Variants in GRAMD4 observed in about 807,000 individuals in gnomAD.
GRAMD4 encodes the protein GRAM domain-containing protein 4.
Under a neutral mutation model 83.9 loss-of-function variants are expected in GRAMD4, and 25 were observed. The ratio of observed to expected loss-of-function variants is 0.30; its 90% confidence interval spans 0.22 to 0.42. GRAMD4 has a LOEUF of 0.42. Ranked by LOEUF, GRAMD4 falls within the 10% of genes least tolerant of loss-of-function variation. The pLI is 1.00. For missense variants in GRAMD4, 593 were observed against 788.7 expected, an observed-to-expected ratio of 0.75 and a Z score of 2.97; for synonymous variants, 336 against 320.9, an observed-to-expected ratio of 1.05 and a Z score of -0.50.
At chr22:46,662,986 C>G in intron 5 of GRAMD4, 54 bp from the exon 6 acceptor site, 1 of 1,526,762 alleles carries the variant, frequency 6.5e-7, no homozygotes, top group Non-Finnish European at 8.8e-7. Context: ...GAGCCGACCC[C>G]AGAACAGGCA....
chr22:46,627,590 T>C (rs1433104478), intron 2 of GRAMD4, among the ~76,000 whole-genome samples: 2 of 152,170 alleles, frequency 1.3e-5, no homozygotes, highest in Non-Finnish European at 2.9e-5. Flanking sequence ...GCATGGTGGG[T>C]TGGGCTCCCT....
intron 3 of GRAMD4, among the ~76,000 whole-genome samples, chr22:46,655,711 G>A (rs1250750768): frequency 1.3e-5 from 2 of 152,190 alleles, no homozygotes; most frequent in Non-Finnish European, 2.9e-5. Context: ...CTCTGAACTG[G>A]AGCCCCAGGC....
At chr22:46,597,096 C>T (rs1279323150) in intron 1 of GRAMD4, among the ~76,000 whole-genome samples, 1 of 152,156 alleles carries the variant, frequency 6.6e-6, no homozygotes, top group Non-Finnish European at 1.5e-5. Flanking sequence ...GGCGGCCAGA[C>T]CTTTGGGTCC....
At chr22:46,665,742 A>T (rs1482515679) in intron 9 of GRAMD4, 36 bp downstream of exon 9, 5 of 1,088,648 alleles carry the variant, frequency 4.6e-6, no homozygotes, top group Non-Finnish European at 7.1e-6. Flanking sequence ...GCTTTATCCC[A>T]CCGCATGTAT....
At chr22:46,658,165 C>T (rs1221256376) in intron 3 of GRAMD4, 22 bp from the exon 4 acceptor site, 1 of 1,613,352 alleles carries the variant, frequency 6.2e-7, no homozygotes, top group Non-Finnish European at 8.5e-7. Context: ...CGATGGTCAC[C>T]TGGCCGTTCT....
At chr22:46,578,178 G>T (rs2081063899) in intron 1 of GRAMD4, among the ~76,000 whole-genome samples, 1 of 152,194 alleles carries the variant, frequency 6.6e-6, no homozygotes, top group African/African-American at 2.4e-5. Context: ...TGCAGGATGG[G>T]GTTCCCTTCT....
intron 1 of GRAMD4, among the ~76,000 whole-genome samples, chr22:46,603,802 A>G (rs2147063071): frequency 1.3e-5 from 2 of 151,986 alleles, no homozygotes; most frequent in Admixed American, 1.3e-4. Flanking sequence ...AGGCGTGACC[A>G]CCGCGCCCAG....
chr22:46,591,150 T>A (rs5767283), intron 1 of GRAMD4, among the ~76,000 whole-genome samples: 74,647 of 152,056 alleles, frequency 0.49, 20,389 homozygotes, highest in African/African-American at 0.75. Flanking sequence ...ACTGCTGCCC[T>A]CTCAGCCGCG....
intron 1 of GRAMD4, among the ~76,000 whole-genome samples, chr22:46,599,341 G>A (rs1039312790): frequency 2.0e-5 from 3 of 150,732 alleles, no homozygotes; most frequent in African/African-American, 7.3e-5. Context: ...TTTTTGAGAC[G>A]GAGTCTTGCT....
intron 2 of GRAMD4, among the ~76,000 whole-genome samples, chr22:46,628,147 C>T (rs2081699727): frequency 1.3e-5 from 2 of 152,212 alleles, no homozygotes; most frequent in South Asian, 4.1e-4. Context: ...AAATCTCCCT[C>T]CCGACACATA....
At position 46,677,396 on chromosome 22, in the gene GRAMD4, A is replaced by T; in HGVS notation, c.*145A>T. On this transcript the variant is annotated 3_prime_UTR_variant, in exon 19 of 19. Coordinates refer to ENST00000406902, the MANE Select transcript of GRAMD4 (RefSeq NM_015124.5). The stretch of plus-strand genomic sequence containing the variant: ...CTGGACCTGTGGTTCTATTGTGTTG[A>T]CCTCTGCGTTTTATCGACCAAGAAG... 1 of 1,384,912 alleles carries T rather than the reference A, an allele frequency of 7.2e-7. No individual in the cohort carries two copies. Among genetic ancestry groups the T allele is most frequent in the Non-Finnish European group, 9.3e-7 (1 of 1,070,294 alleles). 85.8% of individuals were successfully genotyped at this position (1,384,912 alleles called of 1,614,324 possible). A position where few individuals can be genotyped will look rare whatever the true frequency, so the allele number is the denominator to read the frequency against.
chr22:46,585,378 C>T (rs767346407), intron 1 of GRAMD4, among the ~76,000 whole-genome samples: 104 of 152,184 alleles, frequency 6.8e-4, no homozygotes, highest in Non-Finnish European at 1.2e-3. Flanking sequence ...TTAGTAGAGT[C>T]GGAGTTTCTC....
rs1601687763 is a variant in GRAMD4 at position 46,673,964 on chromosome 22, G to A, written c.1384+150G>A. The A allele has an allele frequency of 6.8e-6, 6 of 888,398 alleles. No individual in the cohort carries two copies. The Middle Eastern group carries it at 8.3e-4, about 122-fold the overall frequency. 55.0% of individuals were successfully genotyped at this position (888,398 alleles called of 1,614,324 possible). On this transcript the variant is annotated intron_variant, in intron 15 of 18. Transcript: ENST00000406902. ...TTCACATCCCACTGCCCCAGGAGGA[G>A]TGCAGGAGCCAGGGGTCATGAGGAC...
chr22:46,583,726 C>G lies in GRAMD4; in HGVS notation c.-50+6436C>G, dbSNP rs370650906. Among the ~76,000 whole-genome samples, 84 of 152,346 alleles carry G rather than the reference C, an allele frequency of 5.5e-4. 1 individual carries two copies. The highest frequency in any genetic ancestry group is 1.9e-3 in the African/African-American group (81 of 41,576). On this transcript the variant is annotated intron_variant, in intron 1 of 1. Coordinates refer to the GRAMD4 transcript ENST00000431155. ...GGCATGGTGCCCTCTAACCACGTCA[C>G]GCCAGGCGCATACCTTCGATGTGGC...
At chr22:46,660,159 C>G (rs898146571) in intron 4 of GRAMD4, among the ~76,000 whole-genome samples, 2 of 152,192 alleles carry the variant, frequency 1.3e-5, no homozygotes, top group African/African-American at 4.8e-5. Context: ...CAGCCCGGGT[C>G]AGCTGTAAGA....
At chr22:46,614,849 C>CTTCCCTTGTGCATGTAGG (rs1569261062) in intron 1 of GRAMD4, among the ~76,000 whole-genome samples, 1,074 of 14,258 alleles carry the variant, frequency 0.075, 13 homozygotes, top group African/African-American at 0.18. Flanking sequence ...GTGCTTGTAG[C>CTTCCCTTGTGCATGTAGG]TTCCCCTGTG....
chr22:46,604,765 C>G (rs921906610), intron 1 of GRAMD4, among the ~76,000 whole-genome samples: 14 of 152,124 alleles, frequency 9.2e-5, no homozygotes, highest in African/African-American at 1.4e-4. Flanking sequence ...TCTGTGGGTT[C>G]ACCCAGGTCT....
intron 2 of GRAMD4, among the ~76,000 whole-genome samples, chr22:46,628,414 A>T (rs1446381960): frequency 7.3e-6 from 1 of 137,856 alleles, no homozygotes; most frequent in East Asian, 2.2e-4. Flanking sequence ...AGACGGACTG[A>T]GTGTGTGCGT....
chr22:46,585,650 G>A (rs1333880023), intron 1 of GRAMD4, among the ~76,000 whole-genome samples: 1 of 152,230 alleles, frequency 6.6e-6, no homozygotes, highest in Non-Finnish European at 1.5e-5. Context: ...CGGGGCACCT[G>A]AATGATGCTT....
Sources: gnomAD v4.1 joint callset for allele counts (sites outside exome capture counted in the v4.1 genomes callset) on GRCh38, gnomAD v4.1.1 for gene constraint, MANE v1.5 for transcripts, NCBI Gene and HGNC (gene_info 2026-07-23, HGNC 2026-07-21) for gene names.